Variants in PCK1 observed in about 807,000 individuals in gnomAD.
PCK1 encodes the protein phosphoenolpyruvate carboxykinase, cytosolic [GTP].
A neutral mutation model predicts 50.3 loss-of-function variants in PCK1; 44 were observed. That is an observed-to-expected ratio of 0.87 (90% CI 0.69 to 1.12). The LOEUF (loss-of-function observed/expected upper bound fraction) is 1.12. Among genes scored for constraint, PCK1 ranks in the 50% most tolerant of loss-of-function variants. The probability of loss-of-function intolerance (pLI) is 0.00; values close to 1 mark genes in which losing one functional copy is unlikely to be tolerated. For synonymous variants in PCK1, 332 were observed against 314.3 expected (o/e 1.06, Z -0.59); for missense variants, 790 against 815.0 (o/e 0.97, Z 0.37).
chr20:57,565,537 C>T lies in PCK1; in HGVS notation c.1602C>T (p.Ser534=). The stretch of plus-strand genomic sequence containing the variant: ...TCTGGCCAGGCTTTGGAGAGAACTC[C>T]AGGGTGCTGGAGTGGATGTTCAACC... ...KFLWPGFGEN[S]RVLEWMFNRI... The change falls in exon 10 of 10, where the codon TCC becomes TCT. Residue 534 remains serine (S), a synonymous_variant. Transcript: ENST00000319441. 1 of 1,614,162 alleles carries T rather than the reference C, an allele frequency of 6.2e-7. No homozygotes were observed. The highest frequency in any genetic ancestry group is 8.5e-7 in the Non-Finnish European group (1 of 1,180,002).
Position 57,565,020 on chromosome 20 carries a change from C to A in PCK1, c.1319-20C>A. The A allele has an allele frequency of 1.9e-6, 3 of 1,543,070 alleles. No individual in the cohort carries two copies. Among genetic ancestry groups the A allele is most frequent in the South Asian group, 2.3e-5 (2 of 87,778 alleles). ...TTCAAAGCCTCTGATGAACATTTCT[C>A]TTTTTTTTTCCTGCTAAAGGTGTCC... is the stretch of plus-strand genomic sequence containing the variant. On this transcript the variant is annotated intron_variant, in intron 8 of 9. Transcript: ENST00000319441.
At position 57,561,562 on chromosome 20, in the gene PCK1, G is replaced by A. The variant is rs2070142702; in HGVS notation, c.151G>A (p.Glu51Lys). 3 of 1,613,930 alleles carry A rather than the reference G, an allele frequency of 1.9e-6. No homozygotes were observed. The highest frequency in any genetic ancestry group is 1.3e-5 in the African/African-American group (1 of 74,936). ...DHIHICDGSE[E>K]ENGRLLGQME... ...CATCCACATCTGTGACGGCTCTGAGGAGGAGAATGGGCGGCTTCTGGGCCA... is the reference window on the plus strand; with the variant it reads ...CATCCACATCTGTGACGGCTCTGAGAAGGAGAATGGGCGGCTTCTGGGCCA... The change falls in exon 2 of 10, where the codon GAG becomes AAG. Residue 51 changes from glutamate (E) to lysine (K), a missense_variant. Physicochemically the swap from Glu to Lys is moderately conservative, Grantham distance 56. Transcript: ENST00000319441.
In PCK1 at chr20:57,562,761, A is replaced by G. The variant is rs756073673; in HGVS notation, c.472A>G (p.Ile158Val). Residue 158 changes from isoleucine (I) to valine (V), a missense_variant, in exon 4 of 10, where the codon ATC (isoleucine) becomes GTC (valine). By Grantham distance (29) the Ile-to-Val change is conservative. Coordinates refer to ENST00000319441, the MANE Select transcript of PCK1 (RefSeq NM_002591.4). The stretch of plus-strand genomic sequence containing the variant: ...GGGCTCGCCTCTGTCAAAGATCGGC[A>G]TCGAGCTGACGGATTCACCCTACGT... ...PLGSPLSKIG[I>V]ELTDSPYVVA... The G allele has an allele frequency of 4.3e-6, 7 of 1,614,132 alleles. No individual in the cohort carries two copies. The highest frequency in any genetic ancestry group is 5.9e-6 in the Non-Finnish European group (7 of 1,179,966).
In PCK1 at chr20:57,562,811, G is replaced by A. The variant is rs764055938; in HGVS notation, c.522G>A (p.Thr174=). The change falls in exon 4 of 10, where the codon ACG becomes ACA. Residue 174 remains threonine (T), a synonymous_variant. Coordinates refer to ENST00000319441, the MANE Select transcript of PCK1 (RefSeq NM_002591.4). The part of the protein sequence containing the change: ...PYVVASMRIM[T]RMGTPVLEAV... ...TGGTGGCCAGCATGCGGATCATGAC[G>A]CGGATGGGCACGCCCGTCCTGGAAG... The A allele has an allele frequency of 2.5e-6, 4 of 1,613,832 alleles. No homozygotes were observed. Among genetic ancestry groups the A allele is most frequent in the Admixed American group, 3.3e-5 (2 of 60,008 alleles).
chr20:57,565,593 C>T lies in PCK1; in HGVS notation c.1658C>T (p.Thr553Met), dbSNP rs762446688. ...RIDGKASTKLTPIGYIPKEDA... is the reference protein window; with the variant it reads ...RIDGKASTKLMPIGYIPKEDA... ...GATGGAAAAGCCAGCACCAAGCTCA[C>T]GCCCATAGGCTACATCCCCAAGGAG... The change falls in exon 10 of 10, where the codon ACG becomes ATG. Residue 553 changes from threonine (T) to methionine (M), a missense_variant. Coordinates refer to ENST00000319441, the MANE Select transcript of PCK1 (RefSeq NM_002591.4). 2.5e-5 allele frequency: 41 copies of T among 1,614,116 alleles called. No homozygotes were observed. The highest frequency in any genetic ancestry group is 3.4e-5 in the Non-Finnish European group (40 of 1,179,958).
chr20:57,564,762 C>T (rs553653218), intron 8 of PCK1, 149 bp downstream of exon 8: 2 of 744,330 alleles, frequency 2.7e-6, no homozygotes, highest in African/African-American at 1.8e-5. Context: ...GAATAATTGG[C>T]AAGTTCAAAT....
rs1392559512 is a variant in PCK1 at position 57,561,584 on chromosome 20, G to C, written c.173G>C (p.Gly58Ala). 4 of 1,613,760 alleles carry C rather than the reference G, an allele frequency of 2.5e-6. No individual in the cohort carries two copies. Among genetic ancestry groups the C allele is most frequent in the Non-Finnish European group, 2.5e-6 (3 of 1,180,022 alleles). Residue 58 changes from glycine (G) to alanine (A), a missense_variant, in exon 2 of 10, where the codon GGC becomes GCC. Transcript: ENST00000319441. The stretch of plus-strand genomic sequence containing the variant: ...GAGGAGGAGAATGGGCGGCTTCTGG[G>C]CCAGATGGAGGAAGAGGGCATCCTC... Reference protein sequence around the residue: ...GSEEENGRLLGQMEEEGILRR... With the variant: ...GSEEENGRLLAQMEEEGILRR...
In PCK1 at chr20:57,564,542, T is replaced by C. The variant is rs569350822; in HGVS notation, c.1247T>C (p.Ile416Thr). 44 of 1,614,020 alleles carry C rather than the reference T, an allele frequency of 2.7e-5. No individual in the cohort carries two copies. The Admixed American group carries it at 3.3e-4, about 12-fold the overall frequency. ...ACCCCTGCCAGCCAGTGCCCCATCATTGATGCTGCCTGGGAGTCTCCGGAA... is the reference window on the plus strand; with the variant it reads ...ACCCCTGCCAGCCAGTGCCCCATCACTGATGCTGCCTGGGAGTCTCCGGAA... ...FCTPASQCPIIDAAWESPEGV... is the reference protein window; with the variant it reads ...FCTPASQCPITDAAWESPEGV... Residue 416 changes from isoleucine to threonine, a missense_variant, in exon 8 of 10, where the codon ATT becomes ACT. Physicochemically the swap from Ile to Thr is moderately conservative, Grantham distance 89 (BLOSUM62 -1). Transcript: ENST00000319441.
At chr20:57,562,042 G>T in intron 2 of PCK1, 29 bp from the exon 3 acceptor site, 1 of 1,606,046 alleles carries the variant, frequency 6.2e-7, no homozygotes, top group South Asian at 1.1e-5. Flanking sequence ...CGTGGTGCTT[G>T]GCTGAAAGGA....
intron 3 of PCK1, 25 bp from the exon 4 acceptor site, chr20:57,562,671 A>T: frequency 6.3e-7 from 1 of 1,598,754 alleles, no homozygotes; most frequent in African/African-American, 1.3e-5. Context: ...ATTTCTCACC[A>T]GTGCCCACCC....
At position 57,563,819 on chromosome 20, in the gene PCK1, T is replaced by C. The variant is rs28359548; in HGVS notation, c.961+92T>C. 119 of 1,113,678 alleles carry C rather than the reference T, an allele frequency of 1.1e-4. 1 individual carries two copies. The Admixed American group carries it at 1.2e-3, about 11-fold the overall frequency. The allele number at this position is 1,113,678 out of a possible 1,614,324, so 69.0% of individuals were successfully genotyped here. Reference sequence around the variant, plus strand: ...GTCACATTCTCCTCAGTCCAGTGTTTGGATTTTTAAACTCTGTTAGTCCAG... The same window carrying C: ...GTCACATTCTCCTCAGTCCAGTGTTCGGATTTTTAAACTCTGTTAGTCCAG... On this transcript the variant is annotated intron_variant, in intron 6 of 9. Transcript: ENST00000319441.
rs534949125 is a variant in PCK1 at position 57,564,290 on chromosome 20, C to T, written c.1083C>T (p.Ala361=). The T allele has an allele frequency of 3.8e-5, 61 of 1,613,910 alleles. No homozygotes were observed. The highest frequency in any genetic ancestry group is 1.6e-4 in the Middle Eastern group (1 of 6,084). ...AGAACACAATCTTTACCAATGTGGCCGAGACCAGCGACGGGGGCGTTTACT... is the reference window on the plus strand; with the variant it reads ...AGAACACAATCTTTACCAATGTGGCTGAGACCAGCGACGGGGGCGTTTACT... ...IQKNTIFTNV[A]ETSDGGVYWE... is the part of the protein sequence containing the mutation. Residue 361 remains alanine (A), a synonymous_variant, in exon 7 of 10, where the codon GCC becomes GCT. Transcript: ENST00000319441.
rs1405681647 is a variant in PCK1 at position 57,561,619 on chromosome 20, A to C, written c.208A>C (p.Lys70Gln). ...GGAAGAGGGCATCCTCAGGCGGCTG[A>C]AGAAGTATGACAACTGGTAAGCTCG... ...MEEEGILRRLKKYDNCWLALT... is the reference protein window; with the variant it reads ...MEEEGILRRLQKYDNCWLALT... The change falls in exon 2 of 10, where the codon AAG (lysine) becomes CAG (glutamine). Residue 70 changes from lysine to glutamine, a missense_variant. Coordinates refer to ENST00000319441, the MANE Select transcript of PCK1 (RefSeq NM_002591.4). The C allele has an allele frequency of 1.9e-6, 3 of 1,611,562 alleles. No homozygotes were observed. The highest frequency in any genetic ancestry group is 2.5e-6 in the Non-Finnish European group (3 of 1,178,998).
chr20:57,564,956 C>A, intron 8 of PCK1, 84 bp from the exon 9 acceptor site: 1 of 993,242 alleles, frequency 1.0e-6, no homozygotes, highest in Non-Finnish European at 1.6e-6. Context: ...CCGTGTCTTT[C>A]CGTGTTGTGA....
At position 57,563,092 on chromosome 20, in the gene PCK1, CAG is replaced by C; in HGVS notation, c.681_682del (p.Glu227AspfsTer47). The C allele has an allele frequency of 1.9e-6, 3 of 1,614,144 alleles. No homozygotes were observed. Among genetic ancestry groups the C allele is most frequent in the Non-Finnish European group, 1.7e-6 (2 of 1,180,010 alleles). On this transcript the variant is annotated frameshift_variant, in exon 5 of 10. Coordinates refer to ENST00000319441, the MANE Select transcript of PCK1 (RefSeq NM_002591.4). LOFTEE classifies it high-confidence loss of function. ...CGCTCATCGCCCACCTGCCTGACCG[CAG>C]AGAGATCATCTCCTTTGGCAGTGGG... ...LTLIAHLPDR[R>X]EIISFGSGYG... is the part of the protein sequence containing the mutation.
chr20:57,563,279 A>T, intron 5 of PCK1, 64 bp downstream of exon 5: 1 of 1,459,776 alleles, frequency 6.9e-7, no homozygotes, highest in East Asian at 2.3e-5. Flanking sequence ...AACAAACAGC[A>T]TTACAGTTCC....
rs758332173 is a variant in PCK1, at chr20:57,562,202, A to T, written c.356A>T (p.Glu119Val). The T allele has an allele frequency of 6.2e-7, 1 of 1,614,198 alleles. No homozygotes were observed. The highest frequency in any genetic ancestry group is 1.7e-5 in the Admixed American group (1 of 60,022). The stretch of plus-strand genomic sequence containing the variant: ...AGCCAGCTCGGTCGCTGGATGTCAG[A>T]GGAGGATTTTGAGAAAGCGTTCAAT... Reference protein sequence around the residue: ...GLSQLGRWMSEEDFEKAFNAR... With the variant: ...GLSQLGRWMSVEDFEKAFNAR... The change falls in exon 3 of 10, where the codon GAG becomes GTG. Residue 119 changes from glutamate (E) to valine (V), a missense_variant. By Grantham distance (121) the Glu-to-Val change is moderately radical (BLOSUM62 -2). Transcript: ENST00000319441.
At position 57,564,207 on chromosome 20, in the gene PCK1, G is replaced by T; in HGVS notation, c.1000G>T (p.Gly334Cys). The stretch of plus-strand genomic sequence containing the variant: ...CATCAACCCAGAAAATGGCTTTTTC[G>T]GTGTCGCTCCTGGGACTTCAGTGAA... ...RAINPENGFF[G>C]VAPGTSVKTN... The change falls in exon 7 of 10, where the codon GGT becomes TGT. Residue 334 changes from glycine (G) to cysteine (C), a missense_variant. Coordinates refer to ENST00000319441, the MANE Select transcript of PCK1 (RefSeq NM_002591.4). The T allele has an allele frequency of 6.2e-7, 1 of 1,613,680 alleles. No homozygotes were observed. The highest frequency in any genetic ancestry group is 8.5e-7 in the Non-Finnish European group (1 of 1,179,858).
chr20:57,561,542 A>G lies in PCK1; in HGVS notation c.131A>G (p.His44Arg), dbSNP rs144360449. The change falls in exon 2 of 10, where the codon CAC (histidine) becomes CGC (arginine). Residue 44 changes from histidine (H) to arginine (R), a missense_variant. His to Arg is a conservative substitution (Grantham distance 29). Transcript: ENST00000319441. ...GAGCTGTGTCAGCCTGATCACATCC[A>G]CATCTGTGACGGCTCTGAGGAGGAG... ...NAELCQPDHI[H>R]ICDGSEEENG... The G allele has an allele frequency of 5.6e-5, 91 of 1,613,892 alleles. No individual in the cohort carries two copies. Among genetic ancestry groups the G allele is most frequent in the Non-Finnish European group, 7.3e-5 (86 of 1,179,870 alleles).
Sources: gnomAD v4.1 joint callset for allele counts on GRCh38, gnomAD v4.1.1 for gene constraint, MANE v1.5 for transcripts, NCBI Gene and HGNC (gene_info 2026-07-23, HGNC 2026-07-21) for gene names.